Variants in ABCG5 observed in about 807,000 individuals in gnomAD.
ABCG5 encodes ATP binding cassette subfamily G member 5.
A neutral mutation model predicts 64.5 loss-of-function variants in ABCG5; 64 were observed. That is an observed-to-expected ratio of 0.99 (90% CI 0.81 to 1.22). The LOEUF (loss-of-function observed/expected upper bound fraction) is 1.22, where lower values mean the gene tolerates loss of function less well. Ranked by LOEUF, ABCG5 falls within the 50% of genes most tolerant of loss-of-function variation. The pLI is 0.00. For synonymous variants in ABCG5, 385 were observed against 326.3 expected (o/e 1.18, Z -1.94); for missense variants, 908 against 829.5 (o/e 1.09, Z -1.16).
At chr2:43,822,984 A>C (rs1667336615) in intron 9 of ABCG5, 49 bp from the exon 10 acceptor site, 2 of 1,608,092 alleles carry the variant, frequency 1.2e-6, no homozygotes, top group Non-Finnish European at 1.7e-6. Context: ...ACCCAGCTGA[A>C]AAAGGGAGGG....
In ABCG5 at chr2:43,813,245, A is replaced by G. The variant is rs1338184024; in HGVS notation, c.1827T>C (p.Ile609=). 2 of 1,613,964 alleles carry G rather than the reference A, an allele frequency of 1.2e-6. No individual in the cohort carries two copies. Among genetic ancestry groups the G allele is most frequent in the Non-Finnish European group, 1.7e-6 (2 of 1,179,920 alleles). Residue 609 remains isoleucine, a synonymous_variant, in exon 13 of 13, where the codon ATT becomes ATC. Coordinates refer to ENST00000405322, the MANE Select transcript of ABCG5 (RefSeq NM_022436.3). ...ATGTTGCACCTGGGCAGGTTTTCTC[A>G]ATGAATTGAATTCCTTGAGTGAAGG... is the stretch of plus-strand genomic sequence containing the variant. The part of the protein sequence containing the change: ...MCAFTQGIQF[I]EKTCPGATSR...
chr2:43,814,328 A>T (rs1666679633), intron 12 of ABCG5, 149 bp downstream of exon 12: 3 of 627,218 alleles, frequency 4.8e-6, no homozygotes, highest in Non-Finnish European at 8.4e-6. Flanking sequence ...CATCTTAAAA[A>T]TCAGAGAAAA....
chr2:43,810,577 C>T (rs907198148), downstream of ABCG5: 7 of 938,352 alleles, frequency 7.5e-6, no homozygotes, highest in Middle Eastern at 5.6e-4. Context: ...CTTCCATGTC[C>T]ACATACAAAA....
chr2:43,835,688 T>C (rs1047691918), intron 2 of ABCG5, among the ~76,000 whole-genome samples: 7 of 152,118 alleles, frequency 4.6e-5, no homozygotes, highest in East Asian at 1.9e-4. Flanking sequence ...ATGATTAGGT[T>C]ATGGAGAGCT....
At chr2:43,832,892 C>T (rs1397433914) in intron 2 of ABCG5, among the ~76,000 whole-genome samples, 2 of 152,210 alleles carry the variant, frequency 1.3e-5, no homozygotes, top group Admixed American at 6.5e-5. Context: ...ACACTGCAAC[C>T]TCCGCCTCTC....
Position 43,824,640 on chromosome 2 carries a change from A to C in ABCG5, c.905-208T>G, listed in dbSNP as rs969464786. ...ATTGGGATTGTCTGGGAGAATTCAG[A>C]AGCTCAGCTAATTATGCTCTGATAA... On this transcript the variant is annotated intron_variant, in intron 7 of 12. Transcript: ENST00000405322. The C allele has an allele frequency of 7.1e-6, 7 of 985,274 alleles. No individual in the cohort carries two copies. In the African/African-American group the frequency reaches 1.2e-4, roughly 17 times the overall value. The allele number at this position is 985,274 out of a possible 1,614,324, so 61.0% of individuals were successfully genotyped here. A position where few individuals can be genotyped will look rare whatever the true frequency, so the allele number is the denominator to read the frequency against.
chr2:43,818,271 C>G (rs573805729), intron 11 of ABCG5, among the ~76,000 whole-genome samples: 2 of 152,076 alleles, frequency 1.3e-5, no homozygotes, highest in East Asian at 3.9e-4. Flanking sequence ...TGGCGAAACC[C>G]CATCTCTACT....
At chr2:43,813,697 G>T (rs10187445) in intron 12 of ABCG5, among the ~76,000 whole-genome samples, 24,436 of 90,930 alleles carry the variant, frequency 0.27, 2,713 homozygotes, top group African/African-American at 0.34. Flanking sequence ...TTTTTTTGGG[G>T]TTTTTTTTTT....
chr2:43,814,234 T>C (rs1426319083), intron 12 of ABCG5, among the ~76,000 whole-genome samples: 1 of 152,164 alleles, frequency 6.6e-6, no homozygotes, highest in Non-Finnish European at 1.5e-5. Flanking sequence ...GTACATAAGG[T>C]CTGTCATTTT....
At position 43,827,986 on chromosome 2, in the gene ABCG5, G is replaced by T. The variant is rs1488433193; in HGVS notation, c.631C>A (p.Pro211Thr). 6.2e-7 allele frequency: 1 copy of T among 1,613,862 alleles called. No homozygotes were observed. The highest frequency in any genetic ancestry group is 1.3e-5 in the African/African-American group (1 of 74,914). ...AACAGTTCTGGGTGCCACTTACTAGGATCCTGGAGCAGCTGGGCTGCGATG... is the reference window on the plus strand; with the variant it reads ...AACAGTTCTGGGTGCCACTTACTAGTATCCTGGAGCAGCTGGGCTGCGATG... Reference protein sequence around the residue: ...VSIAAQLLQDPKVMLFDEPTT... With the variant: ...VSIAAQLLQDTKVMLFDEPTT... The change falls in exon 5 of 13, where the codon CCT (proline) becomes ACT (threonine). Residue 211 changes from proline to threonine, a missense_variant. Pro to Thr is a conservative substitution (Grantham distance 38, BLOSUM62 -1). Coordinates refer to ENST00000405322, the MANE Select transcript of ABCG5 (RefSeq NM_022436.3).
chr2:43,810,775 C>G (rs4148196), downstream of ABCG5, among the ~76,000 whole-genome samples: 36,902 of 152,094 alleles, frequency 0.24, 5,412 homozygotes, highest in African/African-American at 0.4. Flanking sequence ...CTTTAGCACA[C>G]GTTTCTTGCT....
chr2:43,834,491 C>A (rs984257984), intron 2 of ABCG5, among the ~76,000 whole-genome samples: 2 of 152,084 alleles, frequency 1.3e-5, no homozygotes, highest in East Asian at 3.9e-4. Context: ...TTTTAAGCCA[C>A]TAAATTTTGG....
chr2:43,809,693 T>C (rs1297293189), downstream of ABCG5: 17 of 1,595,822 alleles, frequency 1.1e-5, no homozygotes, highest in Non-Finnish European at 1.3e-5. Context: ...GTGATACATA[T>C]TTTTGTTTTA....
upstream of ABCG5, chr2:43,838,879 G>T: frequency 1.7e-6 from 2 of 1,188,774 alleles, no homozygotes; most frequent in African/African-American, 1.5e-5. This position sits in a 1 kb window ranked among gnomAD's most constrained non-coding sequence, Gnocchi z 4.2. Context: ...TTGACAGTGG[G>T]CAGAACACAC....
chr2:43,821,201 C>T (rs1187226602), intron 10 of ABCG5, among the ~76,000 whole-genome samples: 1 of 152,300 alleles, frequency 6.6e-6, no homozygotes, highest in South Asian at 2.1e-4. Context: ...CTTATGCTAT[C>T]AATGCCGTTC....
rs780334971 is a variant in ABCG5 at position 43,838,364 on chromosome 2, C to T, written c.143+173G>A. 1.3e-5 allele frequency: 9 copies of T among 674,760 alleles called. No individual in the cohort carries two copies. The highest frequency in any genetic ancestry group is 4.1e-4 in the Middle Eastern group (1 of 2,454). The allele number at this position is 674,760 out of a possible 1,614,324, so 41.8% of individuals were successfully genotyped here. ...GGCAGGGGGAGGGGCCATTCACTGT[C>T]GCTCCATGTTTCCCAGCACAGCCCT... On this transcript the variant is annotated intron_variant, in intron 1 of 12. Coordinates refer to ENST00000405322, the MANE Select transcript of ABCG5 (RefSeq NM_022436.3). The surrounding 1 kb of genome is among the most constrained non-coding windows in gnomAD (Gnocchi z 4.2).
At chr2:43,829,145 C>T (rs1667814653) in intron 4 of ABCG5, among the ~76,000 whole-genome samples, 2 of 152,244 alleles carry the variant, frequency 1.3e-5, no homozygotes, top group South Asian at 4.1e-4. Context: ...TTCATGATTA[C>T]AATATCGCTT....
downstream of ABCG5, among the ~76,000 whole-genome samples, chr2:43,808,251 G>C (rs1294980567): frequency 7.5e-6 from 1 of 133,956 alleles, no homozygotes; most frequent in Non-Finnish European, 1.6e-5. Flanking sequence ...AGAATCCAAT[G>C]AGGAAGTTAA....
At position 43,824,423 on chromosome 2, in the gene ABCG5, G is replaced by A. The variant is rs143740796; in HGVS notation, c.914C>T (p.Thr305Met). Residue 305 changes from threonine (T) to methionine (M), a missense_variant, in exon 8 of 13, where the codon ACG becomes ATG. Transcript: ENST00000405322. Reference protein sequence around the residue: ...SNPFDFYMDLTSVDTQSKERE... With the variant: ...SNPFDFYMDLMSVDTQSKERE... ...TTCCTTGCTTTGGGTATCCACTGAC[G>A]TCAGGTCCACTAAAAGTTTTTCCCA... 85 of 1,613,776 alleles carry A rather than the reference G, an allele frequency of 5.3e-5. No homozygotes were observed. The highest frequency in any genetic ancestry group is 1.1e-4 in the East Asian group (5 of 44,878).
Sources: gnomAD v4.1 joint callset for allele counts (sites outside exome capture counted in the v4.1 genomes callset) on GRCh38, gnomAD v4.1.1 for gene constraint, Gnocchi (gnomAD v3.1) non-coding constraint, MANE v1.5 for transcripts, NCBI Gene and HGNC (gene_info 2026-07-23, HGNC 2026-07-21) for gene names.